OTUD4: variants seen among roughly 807,000 people sequenced by gnomAD.
The protein encoded by OTUD4 is OTU deubiquitinase 4, also known as OTU domain-containing protein 4.
Under a neutral mutation model 130.4 loss-of-function variants are expected in OTUD4, and 24 were observed. The observed-to-expected ratio is 0.18, with a 90% CI of 0.13 to 0.26. The LOEUF (loss-of-function observed/expected upper bound fraction) is 0.26, where lower values mean the gene tolerates loss of function less well. Ranked by LOEUF, OTUD4 falls within the 10% of genes least tolerant of loss-of-function variation. The pLI is 1.00. For synonymous variants in OTUD4, 420 were observed against 472.5 expected, an observed-to-expected ratio of 0.89 and a Z score of 1.44; for missense variants, 1,031 against 1,329.4, an observed-to-expected ratio of 0.78 and a Z score of 3.49.
Position 145,137,710 on chromosome 4 carries a change from T to C in OTUD4, c.3065A>G (p.Glu1022Gly), listed in dbSNP as rs747679058. 15 of 1,613,976 alleles carry C rather than the reference T, an allele frequency of 9.3e-6. No individual in the cohort carries two copies. The Admixed American group carries it at 1.5e-4, about 16-fold the overall frequency. ...CACTTCATTTTCATCTTCTGAACTC[T>C]CTTCTTTTGGTCTTTGCACTCTGCT... ...VDSRVQRPKEESSEDENEVSN... is the reference protein window; with the variant it reads ...VDSRVQRPKEGSSEDENEVSN... Residue 1022 changes from glutamate to glycine, a missense_variant, in exon 21 of 21, where the codon GAG becomes GGG. Glu to Gly is a moderately conservative substitution (Grantham distance 98, BLOSUM62 -2). Coordinates refer to ENST00000447906, the MANE Select transcript of OTUD4 (RefSeq NM_001366057.1).
intron 19 of OTUD4, among the ~76,000 whole-genome samples, chr4:145,140,901 C>A (rs1395684968): frequency 6.6e-6 from 1 of 152,008 alleles, no homozygotes; most frequent in African/African-American, 2.4e-5. Flanking sequence ...CGCGGTGGCT[C>A]ACACCTGTAA....
chr4:145,166,271 G>A (rs1398760074), intron 3 of OTUD4, among the ~76,000 whole-genome samples: 2 of 152,112 alleles, frequency 1.3e-5, no homozygotes, highest in African/African-American at 2.4e-5. Context: ...ACAAAAGAGA[G>A]CAGTGTCCTA....
chr4:145,168,024 T>TA lies in OTUD4; in HGVS notation c.295-2828dup, dbSNP rs559130217. 2.9e-4 allele frequency among the ~76,000 whole-genome samples: 44 copies of TA among 150,548 alleles called. No homozygotes were observed. The South Asian group carries it at 5.5e-3, about 19-fold the overall frequency. On this transcript the variant is annotated intron_variant, in intron 3 of 20. Transcript: ENST00000447906. ...CAAGCAGTGTCAGTATTAAATTATTTAAAAAAAAAATCGATATTATACTAC... is the reference window on the plus strand; with the variant it reads ...CAAGCAGTGTCAGTATTAAATTATTTAAAAAAAAAAATCGATATTATACTAC...
intron 14 of OTUD4, 33 bp from the exon 15 acceptor site, chr4:145,144,467 T>A: frequency 6.3e-7 from 1 of 1,597,030 alleles, no homozygotes; most frequent in Non-Finnish European, 8.5e-7. Context: ...CATTTTGTGT[T>A]AAAGATTTAC....
chr4:145,178,990 A>T (rs577425328), intron 1 of OTUD4, among the ~76,000 whole-genome samples: 1 of 152,186 alleles, frequency 6.6e-6, no homozygotes, highest in Admixed American at 6.5e-5. Flanking sequence ...TTCGGCAGCT[A>T]TTTTTCAATA....
intron 7 of OTUD4, 106 bp downstream of exon 7, chr4:145,159,397 A>T (rs192049831): frequency 0.011 from 16,961 of 1,576,256 alleles, 126 homozygotes; most frequent in Middle Eastern, 0.016. Context: ...GAATACCATT[A>T]ATACCTCAAT....
intron 7 of OTUD4, chr4:145,159,178 T>A: frequency 9.4e-7 from 1 of 1,064,932 alleles, no homozygotes; most frequent in South Asian, 3.1e-5. Flanking sequence ...TTACTGGGTA[T>A]GTGAACAATT....
chr4:145,164,686 G>T (rs770867705), intron 4 of OTUD4, among the ~76,000 whole-genome samples: 5 of 151,906 alleles, frequency 3.3e-5, no homozygotes, highest in Non-Finnish European at 7.4e-5. Context: ...GGAGCATTTT[G>T]GATTTCAGAT....
intron 10 of OTUD4, among the ~76,000 whole-genome samples, chr4:145,153,840 T>TA (rs1560986307): frequency 6.6e-6 from 1 of 152,284 alleles, no homozygotes; most frequent in East Asian, 1.9e-4. Flanking sequence ...AGTTTCACAA[T>TA]AAAAAAATTC....
chr4:145,157,684 CA>C (rs923938636), intron 7 of OTUD4, among the ~76,000 whole-genome samples: 1,295 of 44,106 alleles, frequency 0.029, 7 homozygotes, highest in African/African-American at 0.096. Context: ...AACTCCGTCT[CA>C]AAAAAAAAAA....
rs1346252238 is a variant in OTUD4 at position 145,147,350 on chromosome 4, T to C, written c.1260-921A>G. 3.3e-5 allele frequency among the ~76,000 whole-genome samples: 5 copies of C among 152,236 alleles called. No homozygotes were observed. The South Asian group carries it at 1.0e-3, about 32-fold the overall frequency. ...ACAATAGGACAGATGTCAGCCCTAA[T>C]GGTATCGATGAAAAAAGGGAGGGAT... On this transcript the variant is annotated intron_variant, in intron 13 of 20. Coordinates refer to ENST00000447906, the MANE Select transcript of OTUD4 (RefSeq NM_001366057.1).
At chr4:145,151,396 G>A (rs1265943529) in intron 11 of OTUD4, among the ~76,000 whole-genome samples, 2 of 152,188 alleles carry the variant, frequency 1.3e-5, no homozygotes, top group Non-Finnish European at 2.9e-5. Context: ...AGCACTTAGG[G>A]AGGCTGAGGT....
Position 145,137,953 on chromosome 4 carries a change from G to C in OTUD4, c.2822C>G (p.Ser941Cys), listed in dbSNP as rs770410621. The C allele has an allele frequency of 4.3e-6, 7 of 1,614,068 alleles. No homozygotes were observed. The highest frequency in any genetic ancestry group is 5.9e-6 in the Non-Finnish European group (7 of 1,180,060). The change falls in exon 21 of 21, where the codon TCC (serine) becomes TGC (cysteine). Residue 941 changes from serine to cysteine, a missense_variant. Physicochemically the swap from Ser to Cys is moderately radical, Grantham distance 112 (BLOSUM62 -1). Transcript: ENST00000447906. ...TGCCGTATCTGCCTTTCGTGTCTGG[G>C]AAGATTGCTCTGTCCGGCCTTCGTC... Reference protein sequence around the residue: ...KPDEGRTEQSSQTRKADTALA... With the variant: ...KPDEGRTEQSCQTRKADTALA...
At chr4:145,150,283 G>GA (rs1379167950) in intron 13 of OTUD4, among the ~76,000 whole-genome samples, 1 of 152,052 alleles carries the variant, frequency 6.6e-6, no homozygotes, top group African/African-American at 2.4e-5. Context: ...CAAACCATTT[G>GA]AAAAAATTAC....
At chr4:145,138,774 A>G (rs1750411044) in intron 20 of OTUD4, 124 bp from the exon 21 acceptor site, 4 of 737,930 alleles carry the variant, frequency 5.4e-6, no homozygotes, top group Non-Finnish European at 8.7e-6. Flanking sequence ...CATATAATCT[A>G]TAGTCCAAAT....
chr4:145,158,894 T>C (rs1373775595), intron 7 of OTUD4, among the ~76,000 whole-genome samples: 2 of 152,232 alleles, frequency 1.3e-5, no homozygotes, highest in African/African-American at 4.8e-5. Context: ...AGAATTTAAG[T>C]AACCTGCCCC....
At position 145,141,387 on chromosome 4, in the gene OTUD4, A is replaced by T; in HGVS notation, c.2075T>A (p.Leu692Gln). ...PYSLCQTGED[L>Q]PKDKNILRFF... ...TTGGAGAAGGAGCTCACCTTTAGGT[A>T]GGTCCTCCCCAGTCTGACACAGTGA... Residue 692 changes from leucine to glutamine, a missense_variant, in exon 19 of 21, where the codon CTA becomes CAA. By Grantham distance (113) the Leu-to-Gln change is moderately radical. Around this residue, in one of 3 missense-constraint regions of OTUD4, gnomAD observed 900 missense variants for 1,095.9 expected, o/e 0.82. Coordinates refer to ENST00000447906, the MANE Select transcript of OTUD4 (RefSeq NM_001366057.1). The T allele has an allele frequency of 6.2e-7, 1 of 1,600,622 alleles. No individual in the cohort carries two copies. Among genetic ancestry groups the T allele is most frequent in the Non-Finnish European group, 8.5e-7 (1 of 1,174,364 alleles).
At chr4:145,145,284 A>G (rs745456579) in intron 14 of OTUD4, among the ~76,000 whole-genome samples, 1 of 152,204 alleles carries the variant, frequency 6.6e-6, no homozygotes, top group African/African-American at 2.4e-5. Context: ...TACTTTGCAC[A>G]TAAACAATGC....
chr4:145,152,179 G>A (rs1174716511), intron 11 of OTUD4, among the ~76,000 whole-genome samples: 1 of 152,030 alleles, frequency 6.6e-6, no homozygotes, highest in Non-Finnish European at 1.5e-5. Context: ...CTGGAGTGCA[G>A]TGGCTCACTG....
Sources: gnomAD v4.1 joint callset for allele counts (sites outside exome capture counted in the v4.1 genomes callset) on GRCh38, gnomAD v4.1.1 for gene constraint, gnomAD v4.1.1 regional missense constraint, MANE v1.5 for transcripts, NCBI Gene and HGNC (gene_info 2026-07-23, HGNC 2026-07-21) for gene names.